Variants in DIAPH1 observed in about 807,000 individuals in gnomAD.
DIAPH1 encodes the protein protein diaphanous homolog 1.
In DIAPH1, 46 loss-of-function variants were observed where a neutral mutation model predicts 140.7. That is an observed-to-expected ratio of 0.33 (90% CI 0.26 to 0.42). The LOEUF (loss-of-function observed/expected upper bound fraction) is 0.42, where lower values mean the gene tolerates loss of function less well. Among genes scored for constraint, DIAPH1 ranks in the 10% least tolerant of loss-of-function variants. The pLI is 1.00. For synonymous variants in DIAPH1, 565 were observed against 551.6 expected (o/e 1.02, Z -0.34); for missense variants, 1,310 against 1,558.7 (o/e 0.84, Z 2.69).
At chr5:141,574,654 G>C (rs2099895698) in intron 15 of DIAPH1, among the ~76,000 whole-genome samples, 1 of 152,020 alleles carries the variant, frequency 6.6e-6, no homozygotes, top group Admixed American at 6.6e-5. Context: ...AAAATAACAG[G>C]AAATTAGTCA....
At chr5:141,527,322 G>A (rs757178278) in intron 24 of DIAPH1, among the ~76,000 whole-genome samples, 3 of 152,122 alleles carry the variant, frequency 2.0e-5, no homozygotes, top group Non-Finnish European at 2.9e-5. Flanking sequence ...GGCTGAGGGG[G>A]TAAGGATCGT....
Position 141,529,279 on chromosome 5 carries a change from A to G in DIAPH1, c.2677-6T>C. 6.2e-7 allele frequency: 1 copy of G among 1,609,118 alleles called. No homozygotes were observed. Among genetic ancestry groups the G allele is most frequent in the Non-Finnish European group, 8.5e-7 (1 of 1,175,406 alleles). ...GGCATTTGCTTAATGAGGTTCTGAA[A>G]GACAGAAGAGACATCTCAGCTGGAG... On this transcript the variant is annotated splice_polypyrimidine_tract_variant and splice_region_variant and intron_variant, in intron 20 of 27. Coordinates refer to ENST00000389054, the MANE Select transcript of DIAPH1 (RefSeq NM_005219.5).
In DIAPH1 at chr5:141,515,578, C is replaced by T. The variant is rs2099885555; in HGVS notation, c.*1273G>A. On this transcript the variant is annotated 3_prime_UTR_variant, in exon 28 of 28. Transcript: ENST00000389054. ...CACCCACTTCTCTTTTAGAAGAGAG[C>T]TGGGGTACAGTGTATGAAGGCACTC... The T allele has an allele frequency of 6.6e-6, 1 of 152,266 alleles. No homozygotes were observed. Among genetic ancestry groups the T allele is most frequent in the African/African-American group, 2.4e-5 (1 of 41,468 alleles). 9.4% of individuals were successfully genotyped at this position (152,266 alleles called of 1,614,324 possible).
intron 27 of DIAPH1, among the ~76,000 whole-genome samples, chr5:141,517,537 A>G (rs1333541359): frequency 3.9e-5 from 6 of 152,170 alleles, no homozygotes; most frequent in Non-Finnish European, 1.5e-5. Context: ...GCAGCCACGC[A>G]CTGACACCGC....
chr5:141,565,465 T>C lies in DIAPH1; in HGVS notation c.2482+5963A>G, dbSNP rs1186192279. The stretch of plus-strand genomic sequence containing the variant: ...TTTACCCTGTATTTCCAGTGTATTC[T>C]ACATATTTGTTAAAATGATGATAAC... On this transcript the variant is annotated intron_variant, in intron 18 of 27. Transcript: ENST00000389054. The surrounding 1 kb of genome is among the most constrained non-coding windows in gnomAD (Gnocchi z 4.3). 6.6e-6 allele frequency among the ~76,000 whole-genome samples: 1 copy of C among 152,246 alleles called. No individual in the cohort carries two copies. Among genetic ancestry groups the C allele is most frequent in the Admixed American group, 6.5e-5 (1 of 15,290 alleles).
chr5:141,590,197 T>G (rs754292770), intron 1 of DIAPH1, among the ~76,000 whole-genome samples: 4 of 152,220 alleles, frequency 2.6e-5, no homozygotes, highest in Non-Finnish European at 5.9e-5. Context: ...TTCAATCCAG[T>G]GTAAACTGTG....
intron 18 of DIAPH1, among the ~76,000 whole-genome samples, chr5:141,543,003 T>C (rs1330034543): frequency 1.3e-5 from 2 of 152,002 alleles, no homozygotes; most frequent in Non-Finnish European, 2.9e-5. Context: ...ATAGAACTTG[T>C]ATTTAGAAGA....
At chr5:141,540,989 G>C (rs116586592) in intron 18 of DIAPH1, among the ~76,000 whole-genome samples, 3,457 of 152,188 alleles carry the variant, frequency 0.023, 53 homozygotes, top group East Asian at 0.046. Context: ...GAGCCCGGGA[G>C]GGGGAAGTTG....
chr5:141,590,168 C>G (rs2099898179), intron 1 of DIAPH1, among the ~76,000 whole-genome samples: 1 of 152,142 alleles, frequency 6.6e-6, no homozygotes, highest in Non-Finnish European at 1.5e-5. Flanking sequence ...GTTCACGTTC[C>G]CCATATAACA....
rs749733899 is a variant in DIAPH1 at position 141,528,489 on chromosome 5, G to A, written c.3112C>T (p.Pro1038Ser). 1 of 1,614,210 alleles carries A rather than the reference G, an allele frequency of 6.2e-7. No homozygotes were observed. Among genetic ancestry groups the A allele is most frequent in the South Asian group, 1.1e-5 (1 of 91,086 alleles). ...TTCTCCACATGGGCAAGCTCGTCTGGAAACTTGAGGACATCGGGATAGTCA... is the reference window on the plus strand; with the variant it reads ...TTCTCCACATGGGCAAGCTCGTCTGAAAACTTGAGGACATCGGGATAGTCA... ...ENDYPDVLKF[P>S]DELAHVEKAS... The change falls in exon 23 of 28, where the codon CCA becomes TCA. Residue 1038 changes from proline to serine, a missense_variant. Physicochemically the swap from Pro to Ser is moderately conservative, Grantham distance 74. Coordinates refer to ENST00000389054, the MANE Select transcript of DIAPH1 (RefSeq NM_005219.5).
At chr5:141,570,115 T>G (rs2154596152) in intron 18 of DIAPH1, among the ~76,000 whole-genome samples, 1 of 141,840 alleles carries the variant, frequency 7.1e-6, no homozygotes, top group African/African-American at 2.7e-5. Context: ...CAACTAGAAT[T>G]AATAGGAATA....
chr5:141,544,812 A>G (rs776805993), intron 18 of DIAPH1, among the ~76,000 whole-genome samples: 1 of 152,228 alleles, frequency 6.6e-6, no homozygotes, highest in Non-Finnish European at 1.5e-5. Flanking sequence ...TGGTACAGCC[A>G]CTTTGGAAAA....
In DIAPH1 at chr5:141,583,234, G is replaced by A. The variant is rs899564067; in HGVS notation, c.592C>T (p.Leu198Phe). Residue 198 changes from leucine (L) to phenylalanine (F), a missense_variant, in exon 6 of 28, where the codon CTT (leucine) becomes TTT (phenylalanine). By Grantham distance (22) the Leu-to-Phe change is conservative. Around this residue, in one of 3 missense-constraint regions of DIAPH1, gnomAD observed 377 missense variants for 497.1 expected, o/e 0.76. Transcript: ENST00000389054. ...LASLLDILKRLHDEKEETAGS... is the reference protein window; with the variant it reads ...LASLLDILKRFHDEKEETAGS... Reference sequence around the variant, plus strand: ...GCAGTCTCTTCTTTCTCATCATGAAGTCGTTTAAGAATGTCCAATAAGGAG... The same window carrying A: ...GCAGTCTCTTCTTTCTCATCATGAAATCGTTTAAGAATGTCCAATAAGGAG... 1 of 1,614,200 alleles carries A rather than the reference G, an allele frequency of 6.2e-7. No homozygotes were observed. Among genetic ancestry groups the A allele is most frequent in the Non-Finnish European group, 8.5e-7 (1 of 1,180,026 alleles).
chr5:141,596,257 C>T (rs1012828145), intron 1 of DIAPH1, among the ~76,000 whole-genome samples: 1 of 151,920 alleles, frequency 6.6e-6, no homozygotes, highest in Non-Finnish European at 1.5e-5. Context: ...CACTTGAACC[C>T]GGGAGGCAGA....
At chr5:141,534,250 T>C in intron 19 of DIAPH1, 85 bp downstream of exon 19, 1 of 1,080,028 alleles carries the variant, frequency 9.3e-7, no homozygotes, top group Non-Finnish European at 1.4e-6. Flanking sequence ...AAGTTCCATA[T>C]CAAGGGACCA....
chr5:141,552,862 A>G (rs1220319883), intron 18 of DIAPH1, among the ~76,000 whole-genome samples: 2 of 152,108 alleles, frequency 1.3e-5, no homozygotes, highest in African/African-American at 4.8e-5. Flanking sequence ...GAAGAAATGA[A>G]ACTTGCTAAC....
At chr5:141,572,069 TAG>T in intron 16 of DIAPH1, 29 bp from the exon 17 acceptor site, 1 of 1,495,434 alleles carries the variant, frequency 6.7e-7, no homozygotes, top group Non-Finnish European at 9.3e-7. Flanking sequence ...TGTTAAGAAT[TAG>T]TAAACTGAGC....
chr5:141,618,899 C>T lies in DIAPH1; in HGVS notation c.16G>A (p.Gly6Arg). 1.3e-6 allele frequency: 2 copies of T among 1,511,260 alleles called. No homozygotes were observed. Among genetic ancestry groups the T allele is most frequent in the African/African-American group, 1.4e-5 (1 of 69,250 alleles). 93.6% of individuals were successfully genotyped at this position (1,511,260 alleles called of 1,614,324 possible). A position where few individuals can be genotyped will look rare whatever the true frequency, so the allele number is the denominator to read the frequency against. Residue 6 changes from glycine to arginine, a missense_variant, in exon 1 of 28, where the codon GGG becomes AGG. Physicochemically the swap from Gly to Arg is moderately radical, Grantham distance 125. This residue lies in a region of DIAPH1 where 377 missense variants were observed against 497.1 expected (regional missense o/e 0.76). Coordinates refer to ENST00000389054, the MANE Select transcript of DIAPH1 (RefSeq NM_005219.5). The stretch of plus-strand genomic sequence containing the variant: ...GTCCCGCGGCCGGGCCCCAGGCTCC[C>T]GCCGGGCGGCTCCATGTCCCGGTTC... MEPPG[G>R]SLGPGRGTRD...
chr5:141,542,068 C>T (rs1302506240), intron 18 of DIAPH1, among the ~76,000 whole-genome samples: 3 of 152,208 alleles, frequency 2.0e-5, no homozygotes, highest in African/African-American at 7.2e-5. Context: ...AAACCAAAAA[C>T]AGCTACTCAA....
Sources: gnomAD v4.1 joint callset for allele counts (sites outside exome capture counted in the v4.1 genomes callset) on GRCh38, gnomAD v4.1.1 for gene constraint, gnomAD v4.1.1 regional missense constraint, Gnocchi (gnomAD v3.1) non-coding constraint, MANE v1.5 for transcripts, NCBI Gene and HGNC (gene_info 2026-07-23, HGNC 2026-07-21) for gene names.